Variants in AXDND1 observed in about 807,000 individuals in gnomAD.
The protein encoded by AXDND1 is axonemal dynein light chain domain-containing protein 1.
AXDND1 carries 110 observed loss-of-function variants against 137.5 expected under a neutral mutation model. The observed-to-expected ratio is 0.80, with a 90% CI of 0.69 to 0.94. The LOEUF (loss-of-function observed/expected upper bound fraction) is 0.94. Ranked by LOEUF, AXDND1 falls within the 40% of genes least tolerant of loss-of-function variation. The probability of loss-of-function intolerance (pLI) is 0.00; values close to 1 mark genes in which losing one functional copy is unlikely to be tolerated. For missense variants in AXDND1, 1,191 were observed against 1,169.8 expected, an observed-to-expected ratio of 1.02 and a Z score of -0.26; for synonymous variants, 414 against 399.7, an observed-to-expected ratio of 1.04 and a Z score of -0.43.
chr1:179,370,995 G>A (rs765241647), intron 4 of AXDND1, among the ~76,000 whole-genome samples: 18 of 152,180 alleles, frequency 1.2e-4, no homozygotes, highest in Non-Finnish European at 1.9e-4. Flanking sequence ...TGATTTTTAT[G>A]TACTGAGGCT....
chr1:179,482,204 A>C (rs1413657914), intron 17 of AXDND1, among the ~76,000 whole-genome samples: 1 of 141,418 alleles, frequency 7.1e-6, no homozygotes, highest in Non-Finnish European at 1.5e-5. Context: ...CTTCTCTCTG[A>C]GTGACACTCA....
intron 11 of AXDND1, among the ~76,000 whole-genome samples, chr1:179,398,082 A>C (rs1034869592): frequency 1.3e-5 from 2 of 152,170 alleles, no homozygotes; most frequent in Admixed American, 1.3e-4. Context: ...TTGAGTTGTC[A>C]GAGTCCTTGT....
At position 179,491,551 on chromosome 1, in the gene AXDND1, A is replaced by G. The variant is rs1439827281; in HGVS notation, c.2105A>G (p.His702Arg). The G allele has an allele frequency of 6.2e-7, 1 of 1,604,292 alleles. No individual in the cohort carries two copies. The highest frequency in any genetic ancestry group is 1.1e-5 in the South Asian group (1 of 90,598). ...ATTTTTTAACAGATGGATGAGTTAC[A>G]TATATCTATGATCCAGTGGATGGTA... ...IELQHHMDEL[H>R]ISMIQWMVNL... Residue 702 changes from histidine (H) to arginine (R), a missense_variant, in exon 19 of 26, where the codon CAT (histidine) becomes CGT (arginine). Coordinates refer to ENST00000367618, the MANE Select transcript of AXDND1 (RefSeq NM_144696.6).
chr1:179,533,241 C>T (rs965066549), intron 23 of AXDND1: 1 of 152,162 alleles, frequency 6.6e-6, no homozygotes, highest in Admixed American at 6.5e-5. Context: ...TCCTCTCTCA[C>T]CTTCCTCTTA....
chr1:179,439,602 G>C (rs1658691574), intron 15 of AXDND1, among the ~76,000 whole-genome samples: 1 of 152,108 alleles, frequency 6.6e-6, no homozygotes, highest in African/African-American at 2.4e-5. Context: ...ATACTGCACA[G>C]GACATTATGG....
intron 4 of AXDND1, among the ~76,000 whole-genome samples, chr1:179,372,973 A>G (rs1449914064): frequency 6.6e-6 from 1 of 152,144 alleles, no homozygotes; most frequent in Non-Finnish European, 1.5e-5. Context: ...GTGAGCTACC[A>G]CGCCTGGCCC....
At chr1:179,546,010 A>G (rs1672610520) in intron 25 of AXDND1, 1 of 152,234 alleles carries the variant, frequency 6.6e-6, no homozygotes, top group Non-Finnish European at 1.5e-5. Context: ...CTAGCTTTAG[A>G]TCAGGCACAA....
intron 16 of AXDND1, among the ~76,000 whole-genome samples, chr1:179,467,685 A>G (rs905869208): frequency 7.9e-5 from 12 of 152,206 alleles, no homozygotes; most frequent in Non-Finnish European, 1.6e-4. Flanking sequence ...ATGGTTTAAA[A>G]TAAAAGAAGA....
intron 20 of AXDND1, 81 bp from the exon 21 acceptor site, chr1:179,509,215 A>G (rs1294432426): frequency 1.1e-5 from 9 of 825,346 alleles, no homozygotes; most frequent in Middle Eastern, 3.6e-4. Flanking sequence ...GTTTAGAGGA[A>G]TTGTATTTAT....
At chr1:179,442,337 A>C (rs919571101) in intron 15 of AXDND1, among the ~76,000 whole-genome samples, 2 of 152,128 alleles carry the variant, frequency 1.3e-5, no homozygotes, top group African/African-American at 4.8e-5. Context: ...AATAATAAGG[A>C]GATAATGGCA....
At chr1:179,467,362 G>A (rs957115761) in intron 16 of AXDND1, among the ~76,000 whole-genome samples, 5 of 151,740 alleles carry the variant, frequency 3.3e-5, no homozygotes, top group Admixed American at 1.3e-4. Context: ...CTGGATCTGC[G>A]GGTTCTGCAT....
At chr1:179,473,233 T>C (rs12133018) in intron 17 of AXDND1, among the ~76,000 whole-genome samples, 61,349 of 152,082 alleles carry the variant, frequency 0.4, 12,859 homozygotes, top group African/African-American at 0.47. Context: ...CTTCAGGTCA[T>C]GCCTGTAATC....
chr1:179,540,002 T>C (rs1671964199), intron 25 of AXDND1, among the ~76,000 whole-genome samples: 2 of 152,016 alleles, frequency 1.3e-5, no homozygotes, highest in Non-Finnish European at 2.9e-5. Context: ...AGATTGTGTA[T>C]GCGTCACGAA....
At chr1:179,393,207 C>T (rs7538909) in intron 9 of AXDND1, among the ~76,000 whole-genome samples, 44,336 of 151,976 alleles carry the variant, frequency 0.29, 6,670 homozygotes, top group Non-Finnish European at 0.31. Flanking sequence ...ATCCCAGCAC[C>T]ATTTGTTGAA....
chr1:179,480,724 A>AC (rs553414968), intron 17 of AXDND1, among the ~76,000 whole-genome samples: 91 of 149,644 alleles, frequency 6.1e-4, no homozygotes, highest in African/African-American at 2.2e-3. Context: ...TTTGGTTGCT[A>AC]CCCCCCTCTT....
intron 22 of AXDND1, 22 bp from the exon 23 acceptor site, chr1:179,528,305 T>C: frequency 6.4e-7 from 1 of 1,570,636 alleles, no homozygotes; most frequent in Non-Finnish European, 8.8e-7. Flanking sequence ...TGCTAACAGG[T>C]CCGCATGTTT....
chr1:179,443,216 G>A (rs996907666), intron 15 of AXDND1, among the ~76,000 whole-genome samples: 3 of 152,196 alleles, frequency 2.0e-5, no homozygotes, highest in Non-Finnish European at 4.4e-5. Context: ...TGATCATATA[G>A]CCTCAAGTGG....
chr1:179,507,432 C>G (rs1398070851), intron 20 of AXDND1, among the ~76,000 whole-genome samples: 1 of 152,022 alleles, frequency 6.6e-6, no homozygotes, highest in Non-Finnish European at 1.5e-5. Context: ...GCAAATTCAA[C>G]TACAGACTAG....
chr1:179,370,171 C>A lies in AXDND1; in HGVS notation c.374+93C>A. 3 of 966,920 alleles carry A rather than the reference C, an allele frequency of 3.1e-6. No homozygotes were observed. The Admixed American group carries it at 6.5e-5, about 21-fold the overall frequency. 59.9% of individuals were successfully genotyped at this position (966,920 alleles called of 1,614,324 possible). ...TTGGGAGGGGCAGAATTAGAAAAAT[C>A]ACTGAATCATAGATGATAAAATTTA... On this transcript the variant is annotated intron_variant, in intron 4 of 25. Transcript: ENST00000367618.
Sources: allele counts gnomAD v4.1 joint callset (sites outside exome capture counted in the v4.1 genomes callset), GRCh38; gene constraint gnomAD v4.1.1; transcripts MANE v1.5; gene names NCBI Gene and HGNC (gene_info 2026-07-23, HGNC 2026-07-21).